Variants in TRPC5 observed in about 807,000 individuals in gnomAD.
TRPC5 encodes the protein short transient receptor potential channel 5.
TRPC5 carries 9 observed loss-of-function variants against 56.5 expected under a neutral mutation model. That is an observed-to-expected ratio of 0.16 (90% confidence interval 0.10 to 0.28). The LOEUF (loss-of-function observed/expected upper bound fraction) is 0.28. TRPC5 is among the 10% of genes least tolerant of loss of function. TRPC5 has a pLI of 1.00. For missense variants in TRPC5, 469 were observed against 748.9 expected, an observed-to-expected ratio of 0.63 and a Z score of 4.36; for synonymous variants, 282 against 278.5, an observed-to-expected ratio of 1.01 and a Z score of -0.13.
intron 1 of TRPC5, among the ~76,000 whole-genome samples, chrX:111,995,614 A>G (rs1446007160): frequency 9.0e-6 from 1 of 111,344 alleles, no homozygotes; most frequent in Non-Finnish European, 1.9e-5. Flanking sequence ...TTGGTTTGGT[A>G]GGCTATGAAT....
At chrX:111,987,288 C>A (rs1928235885) in intron 1 of TRPC5, among the ~76,000 whole-genome samples, 1 of 111,656 alleles carries the variant, frequency 9.0e-6, no homozygotes, top group Non-Finnish European at 1.9e-5. Context: ...GCAATTGTTA[C>A]TTTTAAGCAA....
chrX:112,006,039 C>T (rs149849866), intron 1 of TRPC5, among the ~76,000 whole-genome samples: 1,543 of 111,505 alleles, frequency 0.014, 24 homozygotes, highest in African/African-American at 0.048. Context: ...CTCTGAAACC[C>T]AGTTGGCAAA....
At chrX:111,789,010 A>G (rs1173176087) in intron 7 of TRPC5, among the ~76,000 whole-genome samples, 1 of 112,102 alleles carries the variant, frequency 8.9e-6, no homozygotes, top group Admixed American at 9.5e-5. Context: ...TATAGATTCA[A>G]TGCCATCCCC....
chrX:111,776,338 TC>T lies in TRPC5; in HGVS notation c.2896del (p.Glu966LysfsTer47). ...TTAGAGGCGAGTTGTAACTTGTTCT[TC>T]CTGTCCATCACCCCATTTGTGCATG... ...LLMHKWGDGQ[E>X]EQVTTRL On this transcript the variant is annotated frameshift_variant, in exon 11 of 11. Coordinates refer to ENST00000262839, the MANE Select transcript of TRPC5 (RefSeq NM_012471.3). LOFTEE classifies it high-confidence loss of function. The T allele has an allele frequency of 1.7e-6, 2 of 1,185,312 alleles. No homozygotes were observed. The highest frequency in any genetic ancestry group is 2.3e-6 in the Non-Finnish European group (2 of 883,468).
intron 1 of TRPC5, among the ~76,000 whole-genome samples, chrX:112,007,197 T>C (rs866301812): frequency 1.8e-5 from 2 of 111,423 alleles, no homozygotes; most frequent in South Asian, 7.7e-4. Context: ...AACTCTGAGA[T>C]TGAGTCTGGA....
intron 3 of TRPC5, among the ~76,000 whole-genome samples, chrX:111,904,409 T>A (rs1005040136): frequency 3.6e-5 from 4 of 111,237 alleles, no homozygotes; most frequent in Middle Eastern, 4.6e-3. Flanking sequence ...ATAGACTGGA[T>A]AAAGGAAATG....
intron 7 of TRPC5, among the ~76,000 whole-genome samples, chrX:111,824,434 TATA>T (rs60196425): frequency 0.082 from 9,079 of 111,292 alleles, 857 homozygotes; most frequent in African/African-American, 0.27. Context: ...TAATAGTAGT[TATA>T]ATAGTAATAG....
chrX:111,991,582 G>A (rs188342275), intron 1 of TRPC5, among the ~76,000 whole-genome samples: 143 of 111,964 alleles, frequency 1.3e-3, no homozygotes, highest in Middle Eastern at 4.6e-3. Context: ...GACACCATGA[G>A]CAAATGAGCA....
intron 3 of TRPC5, among the ~76,000 whole-genome samples, chrX:111,897,088 T>TA (rs752856331): frequency 8.9e-6 from 1 of 112,153 alleles, no homozygotes; most frequent in Non-Finnish European, 1.9e-5. Context: ...AGGCTATGTG[T>TA]ATAAGGTGTT....
intron 7 of TRPC5, among the ~76,000 whole-genome samples, chrX:111,803,190 T>G (rs1419202929): frequency 1.8e-5 from 2 of 112,281 alleles, no homozygotes; most frequent in Admixed American, 1.9e-4. Context: ...GCAAAGGACA[T>G]GAACTCATCC....
chrX:111,912,759 A>G lies in TRPC5; in HGVS notation c.432T>C (p.Thr144=), dbSNP rs1485593723. 2 of 1,205,123 alleles carry G rather than the reference A, an allele frequency of 1.7e-6. No individual in the cohort carries two copies. The highest frequency in any genetic ancestry group is 1.8e-5 in the South Asian group (1 of 56,883). ...TQFSEFTPDI[T]PIMLAAHTNN... Reference sequence around the variant, plus strand: ...TGGTGTGGGCAGCCAGCATGATGGGAGTGATGTCCGGTGTGAATTCAGAGA... The same window carrying G: ...TGGTGTGGGCAGCCAGCATGATGGGGGTGATGTCCGGTGTGAATTCAGAGA... Residue 144 remains threonine (T), a synonymous_variant, in exon 3 of 11, where the codon ACT becomes ACC. Transcript: ENST00000262839.
intron 1 of TRPC5, among the ~76,000 whole-genome samples, chrX:111,995,586 T>A (rs949121979): frequency 4.5e-5 from 5 of 111,275 alleles, no homozygotes; most frequent in Non-Finnish European, 7.5e-5. Context: ...TGTGAATCCA[T>A]CTGGTCCTGG....
chrX:111,787,226 C>G (rs1945974280), intron 7 of TRPC5, among the ~76,000 whole-genome samples: 1 of 112,042 alleles, frequency 8.9e-6, no homozygotes, highest in Admixed American at 9.5e-5. Flanking sequence ...ACAGTGCAAT[C>G]AAATTAGAAC....
At chrX:111,993,518 A>G (rs900359625) in intron 1 of TRPC5, among the ~76,000 whole-genome samples, 2 of 112,151 alleles carry the variant, frequency 1.8e-5, no homozygotes, top group African/African-American at 6.5e-5. Context: ...ACTCCCACCA[A>G]CAGTGTAAAA....
At chrX:111,952,004 G>A (rs754318776) in intron 2 of TRPC5, 39 bp downstream of exon 2, 2 of 1,171,510 alleles carry the variant, frequency 1.7e-6, no homozygotes, top group South Asian at 4.0e-5. Flanking sequence ...GTGCCCTGTT[G>A]TGCCTGGCTA....
chrX:111,897,682 A>G (rs1002740810), intron 3 of TRPC5, among the ~76,000 whole-genome samples: 1 of 111,815 alleles, frequency 8.9e-6, no homozygotes, highest in Non-Finnish European at 1.9e-5. Context: ...AATGTTGATT[A>G]TTCCTCCATG....
At chrX:111,883,228 G>C (rs1487284273) in intron 3 of TRPC5, among the ~76,000 whole-genome samples, 2 of 112,709 alleles carry the variant, frequency 1.8e-5, no homozygotes, top group South Asian at 7.3e-4. Context: ...TTTTGGTCCA[G>C]TTATAACCCA....
At chrX:111,951,689 C>G (rs1273131781) in intron 2 of TRPC5, among the ~76,000 whole-genome samples, 1 of 111,596 alleles carries the variant, frequency 9.0e-6, no homozygotes, top group Non-Finnish European at 1.9e-5. Context: ...TTTGTCTCTC[C>G]TTTTCTAGAA....
intron 1 of TRPC5, among the ~76,000 whole-genome samples, chrX:112,028,115 TA>T (rs1569529792): frequency 9.0e-6 from 1 of 111,673 alleles, no homozygotes; most frequent in Non-Finnish European, 1.9e-5. Context: ...ACTTGTCTTT[TA>T]TTGTTGGCCT....
Sources: gnomAD v4.1 joint callset for allele counts (sites outside exome capture counted in the v4.1 genomes callset) on GRCh38, gnomAD v4.1.1 for gene constraint, MANE v1.5 for transcripts, NCBI Gene and HGNC (gene_info 2026-07-23, HGNC 2026-07-21) for gene names.